DESI2: variants seen among roughly 807,000 people sequenced by gnomAD.
DESI2 encodes the protein desumoylating isopeptidase 2, also known as deubiquitinase DESI2.
DESI2 carries 10 observed loss-of-function variants against 24.1 expected under a neutral mutation model. The ratio of observed to expected loss-of-function variants is 0.41; its 90% CI spans 0.26 to 0.70. The LOEUF is 0.70. DESI2 is among the 30% of genes least tolerant of loss of function. DESI2 has a pLI of 0.29. For missense variants in DESI2, 122 were observed against 234.9 expected (o/e 0.52, Z 3.14); for synonymous variants, 71 against 87.7 (o/e 0.81, Z 1.06).
intron 1 of DESI2, among the ~76,000 whole-genome samples, chr1:244,680,072 A>G (rs1044213099): frequency 9.3e-5 from 13 of 139,982 alleles, no homozygotes; most frequent in African/African-American, 3.5e-4. Context: ...AGGTTCATTC[A>G]CTTCCTTTAA....
At chr1:244,676,258 A>C (rs1289558996) in intron 1 of DESI2, among the ~76,000 whole-genome samples, 4 of 151,890 alleles carry the variant, frequency 2.6e-5, no homozygotes, top group Admixed American at 2.6e-4. Context: ...TTGTATTTTC[A>C]GTAGAGACAG....
In DESI2 at chr1:244,683,429, A is replaced by G. The variant is rs533758389; in HGVS notation, c.43-3168A>G. ...CAGGTTCATGCCATTCTCCTGCCTC[A>G]GCCTCCTGAGTAGCTGGGACTACAA... is the stretch of plus-strand genomic sequence containing the variant. On this transcript the variant is annotated intron_variant, in intron 1 of 4. Coordinates refer to ENST00000302550, the MANE Select transcript of DESI2 (RefSeq NM_016076.5). 8.1e-4 allele frequency among the ~76,000 whole-genome samples: 122 copies of G among 151,514 alleles called. 2 individuals carry two copies. The highest frequency in any genetic ancestry group is 1.3e-3 in the South Asian group (6 of 4,784).
At chr1:244,701,744 T>A (rs1187590863) in intron 4 of DESI2, among the ~76,000 whole-genome samples, 1 of 152,248 alleles carries the variant, frequency 6.6e-6, no homozygotes, top group Non-Finnish European at 1.5e-5. Context: ...TTCTCCATTT[T>A]GCTTTTTTCA....
At chr1:244,669,567 A>G (rs1676173190) in intron 1 of DESI2, among the ~76,000 whole-genome samples, 1 of 151,908 alleles carries the variant, frequency 6.6e-6, no homozygotes, top group Non-Finnish European at 1.5e-5. Context: ...AATCCTAGCT[A>G]TTTGGGAGGC....
At chr1:244,687,094 T>C (rs905936762) in intron 2 of DESI2, among the ~76,000 whole-genome samples, 2 of 152,186 alleles carry the variant, frequency 1.3e-5, no homozygotes, top group African/African-American at 4.8e-5. Flanking sequence ...AATACCAATT[T>C]CCTGAGGGAA....
At chr1:244,704,921 G>C (rs1390520832) in intron 4 of DESI2, among the ~76,000 whole-genome samples, 11 of 152,150 alleles carry the variant, frequency 7.2e-5, no homozygotes, top group Non-Finnish European at 1.6e-4. Context: ...GCCTCCCAAA[G>C]TGCTGGTATT....
chr1:244,695,370 T>C (rs1459032184), intron 4 of DESI2, among the ~76,000 whole-genome samples: 1 of 152,214 alleles, frequency 6.6e-6, no homozygotes, highest in Non-Finnish European at 1.5e-5. Flanking sequence ...ATTAATATTT[T>C]CGGCCAGGCA....
At chr1:244,704,072 C>T (rs559197184) in intron 4 of DESI2, among the ~76,000 whole-genome samples, 8 of 152,128 alleles carry the variant, frequency 5.3e-5, no homozygotes, top group Admixed American at 3.3e-4. Context: ...TCTGACTTTC[C>T]CTATAGTTAA....
intron 1 of DESI2, among the ~76,000 whole-genome samples, chr1:244,679,304 T>C (rs1676519610): frequency 6.6e-6 from 1 of 152,200 alleles, no homozygotes; most frequent in South Asian, 2.1e-4. Context: ...AGCAAGAAAC[T>C]TAGAAATGCA....
chr1:244,677,132 A>G (rs1177321537), intron 1 of DESI2, among the ~76,000 whole-genome samples: 1 of 152,026 alleles, frequency 6.6e-6, no homozygotes, highest in Non-Finnish European at 1.5e-5. Flanking sequence ...CTTCTGAAGA[A>G]TTGGTATTGA....
At chr1:244,672,874 G>GTAA (rs55850553) in intron 1 of DESI2, among the ~76,000 whole-genome samples, 1,732 of 149,540 alleles carry the variant, frequency 0.012, 34 homozygotes, top group African/African-American at 0.04. Flanking sequence ...GACTCTGTCT[G>GTAA]TAATAATAAT....
intron 1 of DESI2, among the ~76,000 whole-genome samples, chr1:244,680,176 A>G (rs1676560149): frequency 6.6e-6 from 1 of 151,498 alleles, no homozygotes; most frequent in South Asian, 2.1e-4. Context: ...GGCCAGGCAC[A>G]GTGGCTCATG....
In DESI2 at chr1:244,653,312, G is replaced by C; in HGVS notation, c.-2G>C. On this transcript the variant is annotated 5_prime_UTR_variant, in exon 1 of 5. Coordinates refer to ENST00000302550, the MANE Select transcript of DESI2 (RefSeq NM_016076.5). ...GACGAGGCGGCGGCCGCGGGGAGGA[G>C]GATGGGGGCTAACCAGTTAGTGGTG... 6.6e-7 allele frequency: 1 copy of C among 1,505,258 alleles called. No individual in the cohort carries two copies. The highest frequency in any genetic ancestry group is 8.8e-7 in the Non-Finnish European group (1 of 1,133,330). The allele number at this position is 1,505,258 out of a possible 1,614,324, so 93.2% of individuals were successfully genotyped here.
chr1:244,700,861 TAGAAGGTTA>T (rs984752950), intron 4 of DESI2, among the ~76,000 whole-genome samples: 3 of 152,220 alleles, frequency 2.0e-5, no homozygotes, highest in African/African-American at 7.2e-5. Context: ...AATATGAGTA[TAGAAGGTTA>T]AGGTTTTTTG....
At chr1:244,681,152 A>C (rs1408244388) in intron 1 of DESI2, among the ~76,000 whole-genome samples, 1 of 152,104 alleles carries the variant, frequency 6.6e-6, no homozygotes, top group Non-Finnish European at 1.5e-5. Flanking sequence ...TTTTTGCCCT[A>C]ACTTTGAATC....
At chr1:244,662,159 G>A (rs1036748211) in intron 1 of DESI2, among the ~76,000 whole-genome samples, 30 of 152,326 alleles carry the variant, frequency 2.0e-4, no homozygotes, top group South Asian at 4.1e-4. Flanking sequence ...CTGATGGCCA[G>A]TGATGAGCAT....
chr1:244,674,217 T>G (rs1676340059), intron 1 of DESI2, among the ~76,000 whole-genome samples: 1 of 152,088 alleles, frequency 6.6e-6, no homozygotes, highest in Admixed American at 6.6e-5. Context: ...CAGGCTGGTC[T>G]CGAACTCCTC....
intron 1 of DESI2, among the ~76,000 whole-genome samples, chr1:244,663,140 T>A (rs1419578430): frequency 6.6e-6 from 1 of 151,742 alleles, no homozygotes; most frequent in Non-Finnish European, 1.5e-5. Context: ...CAAAACTTTT[T>A]AAAAGTTAGG....
chr1:244,695,369 T>A (rs574342742), intron 4 of DESI2, among the ~76,000 whole-genome samples: 6 of 152,348 alleles, frequency 3.9e-5, no homozygotes, highest in Non-Finnish European at 8.8e-5. Context: ...AATTAATATT[T>A]TCGGCCAGGC....
Sources: allele counts gnomAD v4.1 joint callset (sites outside exome capture counted in the v4.1 genomes callset), GRCh38; gene constraint gnomAD v4.1.1; transcripts MANE v1.5; gene names NCBI Gene and HGNC (gene_info 2026-07-23, HGNC 2026-07-21).